DRAM1: variants seen among roughly 807,000 people sequenced by gnomAD.
DRAM1 encodes the protein DNA damage-regulated autophagy modulator protein 1.
DRAM1 carries 25 observed loss-of-function variants against 28.5 expected under a neutral mutation model. The ratio of observed to expected loss-of-function variants is 0.88; its 90% CI spans 0.64 to 1.23. The LOEUF is 1.23. Among genes scored for constraint, DRAM1 ranks in the 50% most tolerant of loss-of-function variants. The pLI, the probability that DRAM1 is intolerant of heterozygous loss-of-function variation, is 0.00. For synonymous variants in DRAM1, 113 were observed against 114.2 expected (o/e 0.99, Z 0.07); for missense variants, 249 against 299.2 (o/e 0.83, Z 1.24).
intron 4 of DRAM1, among the ~76,000 whole-genome samples, chr12:101,909,364 T>A (rs1375127725): frequency 6.6e-6 from 1 of 152,150 alleles, no homozygotes; most frequent in Non-Finnish European, 1.5e-5. Context: ...GTGGAAAATG[T>A]AGGAACACTT....
chr12:101,898,951 G>A (rs940228875), intron 2 of DRAM1, among the ~76,000 whole-genome samples: 3 of 152,184 alleles, frequency 2.0e-5, no homozygotes, highest in Non-Finnish European at 4.4e-5. Flanking sequence ...TCTATAAGGT[G>A]ATTCAAGTAT....
chr12:101,897,882 C>T lies in DRAM1; in HGVS notation c.151C>T (p.Pro51Ser). 6.2e-7 allele frequency: 1 copy of T among 1,610,616 alleles called. No individual in the cohort carries two copies. Among genetic ancestry groups the T allele is most frequent in the Non-Finnish European group, 8.5e-7 (1 of 1,177,352 alleles). Reference sequence around the variant, plus strand: ...TGCCAGTGATACGGGAACAACACCTCCAGAGAGTGGTATTTTTGGATTTAT... The same window carrying T: ...TGCCAGTGATACGGGAACAACACCTTCAGAGAGTGGTATTTTTGGATTTAT... ...PYISDTGTTP[P>S]ESGIFGFMIN... The change falls in exon 2 of 7, where the codon CCA (proline) becomes TCA (serine). Residue 51 changes from proline to serine, a missense_variant. Pro to Ser is a moderately conservative substitution (Grantham distance 74). Coordinates refer to ENST00000258534, the MANE Select transcript of DRAM1 (RefSeq NM_018370.3).
chr12:101,884,398 C>G (rs965366441), intron 1 of DRAM1, among the ~76,000 whole-genome samples: 6 of 137,940 alleles, frequency 4.3e-5, no homozygotes, highest in African/African-American at 1.1e-4. Flanking sequence ...AAAAGATTTG[C>G]ACACGGCCAC....
chr12:101,879,775 C>T (rs1403846796), intron 1 of DRAM1, among the ~76,000 whole-genome samples: 1 of 152,134 alleles, frequency 6.6e-6, no homozygotes, highest in East Asian at 1.9e-4. Context: ...GCTGGCGGAT[C>T]ATGAGGTCAA....
intron 4 of DRAM1, among the ~76,000 whole-genome samples, chr12:101,911,109 G>A (rs546053479): frequency 6.6e-6 from 1 of 152,178 alleles, no homozygotes; most frequent in African/African-American, 2.4e-5. Flanking sequence ...GGTGGCGTAT[G>A]CCTTTAGTCC....
chr12:101,910,973 C>A (rs1415960514), intron 4 of DRAM1, among the ~76,000 whole-genome samples: 1 of 152,090 alleles, frequency 6.6e-6, no homozygotes, highest in African/African-American at 2.4e-5. Context: ...CGGTGACTCA[C>A]ACCTGTAATC....
chr12:101,913,184 A>G (rs569614133), intron 4 of DRAM1, among the ~76,000 whole-genome samples: 1 of 152,150 alleles, frequency 6.6e-6, no homozygotes, highest in Non-Finnish European at 1.5e-5. Flanking sequence ...CCCTGGCATT[A>G]TTAGGCTGGA....
chr12:101,886,813 T>C (rs146751293), intron 1 of DRAM1, among the ~76,000 whole-genome samples: 1 of 152,318 alleles, frequency 6.6e-6, no homozygotes, highest in African/African-American at 2.4e-5. Context: ...ATATTAACTG[T>C]TGATCTGTGT....
At chr12:101,914,655 G>T (rs1026360913) in intron 5 of DRAM1, among the ~76,000 whole-genome samples, 8 of 151,358 alleles carry the variant, frequency 5.3e-5, no homozygotes, top group Admixed American at 3.3e-4. Flanking sequence ...GCTAATTTTT[G>T]ATTTTGTTTT....
intron 1 of DRAM1, among the ~76,000 whole-genome samples, chr12:101,885,487 T>C (rs1000928226): frequency 1.3e-4 from 19 of 151,928 alleles, no homozygotes; most frequent in Admixed American, 3.9e-4. Context: ...AGGTTCATTT[T>C]TGCAAAAATG....
Position 101,910,021 on chromosome 12 carries a change from T to G in DRAM1, c.520+1658T>G, listed in dbSNP as rs1321210250. On this transcript the variant is annotated intron_variant, in intron 4 of 6. Transcript: ENST00000258534. ...GCAAGATGGAGTGAAAACACATCAC[T>G]TGCTTCTAAATATTAAGCTTTGTGT... Among the ~76,000 whole-genome samples the G allele has an allele frequency of 9.9e-5, 15 of 152,010 alleles. 1 individual carries two copies. The highest frequency in any genetic ancestry group is 3.6e-4 in the African/African-American group (15 of 41,556).
At chr12:101,916,993 G>A (rs2121167731) in intron 5 of DRAM1, among the ~76,000 whole-genome samples, 1 of 152,362 alleles carries the variant, frequency 6.6e-6, no homozygotes, top group African/African-American at 2.4e-5. Context: ...AATGAGAGGA[G>A]ATACGATCCC....
chr12:101,892,115 C>CA (rs796145433), intron 1 of DRAM1, among the ~76,000 whole-genome samples: 88 of 151,582 alleles, frequency 5.8e-4, no homozygotes, highest in African/African-American at 2.1e-3. Flanking sequence ...GTATGCTGTC[C>CA]AAAAAAGCAA....
chr12:101,891,720 CTCT>C (rs1566122548), intron 1 of DRAM1, among the ~76,000 whole-genome samples: 1 of 152,192 alleles, frequency 6.6e-6, no homozygotes, highest in Non-Finnish European at 1.5e-5. Context: ...TGGCCTTGTC[CTCT>C]TTACAGTTTC....
intron 1 of DRAM1, among the ~76,000 whole-genome samples, chr12:101,888,095 G>A (rs887980800): frequency 4.6e-5 from 7 of 152,062 alleles, no homozygotes; most frequent in African/African-American, 1.7e-4. Context: ...GAAAAGGTAG[G>A]CATGCCATTT....
At chr12:101,882,222 C>T (rs565593872) in intron 1 of DRAM1, among the ~76,000 whole-genome samples, 1 of 150,298 alleles carries the variant, frequency 6.7e-6, no homozygotes, top group South Asian at 2.2e-4. Context: ...CATTTTCCTG[C>T]CTCAGCCTCC....
At chr12:101,913,825 G>A (rs1000576017) in intron 4 of DRAM1, among the ~76,000 whole-genome samples, 3 of 151,704 alleles carry the variant, frequency 2.0e-5, no homozygotes, top group South Asian at 2.1e-4. Context: ...CATTTTGACC[G>A]AATTTAAACA....
chr12:101,894,748 CG>C (rs1477104584), intron 1 of DRAM1, among the ~76,000 whole-genome samples: 1 of 152,176 alleles, frequency 6.6e-6, no homozygotes, highest in African/African-American at 2.4e-5. Context: ...ACCTTCATAT[CG>C]CCACCTCCCT....
chr12:101,889,516 AAAGG>A (rs376621828), intron 1 of DRAM1, among the ~76,000 whole-genome samples: 136 of 98,878 alleles, frequency 1.4e-3, no homozygotes, highest in African/African-American at 5.1e-3. Context: ...GGAAGGAAGG[AAAGG>A]AAGGAAGGAA....
Sources: allele counts gnomAD v4.1 joint callset (sites outside exome capture counted in the v4.1 genomes callset), GRCh38; gene constraint gnomAD v4.1.1; transcripts MANE v1.5; gene names NCBI Gene and HGNC (gene_info 2026-07-23, HGNC 2026-07-21).